The following ATP8A1 variants were observed in gnomAD, a reference collection of about 807,000 sequenced individuals.
ATP8A1 encodes the protein phospholipid-transporting ATPase IA.
In ATP8A1, 90 loss-of-function variants were observed where a neutral mutation model predicts 177.7. That is an observed-to-expected ratio of 0.51 (90% CI 0.43 to 0.60). The LOEUF (loss-of-function observed/expected upper bound fraction) is 0.60, where lower values mean the gene tolerates loss of function less well. Among genes scored for constraint, ATP8A1 ranks in the 20% least tolerant of loss-of-function variants. ATP8A1 has a pLI of 0.00. For missense variants in ATP8A1, 1,072 were observed against 1,392.8 expected (o/e 0.77, Z 3.67); for synonymous variants, 493 against 485.9 (o/e 1.01, Z -0.19).
At chr4:42,582,042 C>A (rs188395060) in intron 9 of ATP8A1, among the ~76,000 whole-genome samples, 1 of 152,086 alleles carries the variant, frequency 6.6e-6, no homozygotes, top group Non-Finnish European at 1.5e-5. Context: ...AATGACCCTT[C>A]GGGAGCTAAT....
chr4:42,465,364 CA>C (rs1474105480), intron 25 of ATP8A1, among the ~76,000 whole-genome samples: 4 of 152,200 alleles, frequency 2.6e-5, no homozygotes, highest in Non-Finnish European at 4.4e-5. Flanking sequence ...TACTTCCTAA[CA>C]AACATCAGAA....
intron 25 of ATP8A1, among the ~76,000 whole-genome samples, chr4:42,470,270 CAT>C (rs1230135054): frequency 6.6e-5 from 10 of 152,192 alleles, no homozygotes; most frequent in African/African-American, 1.9e-4. Context: ...AGTTTCTGCA[CAT>C]GTTATTCATT....
intron 14 of ATP8A1, among the ~76,000 whole-genome samples, 153 bp downstream of exon 14, chr4:42,574,466 T>C (rs987342683): frequency 6.6e-6 from 1 of 152,008 alleles, no homozygotes; most frequent in Admixed American, 6.6e-5. Flanking sequence ...AAACGCGAAA[T>C]ATACATGTGT....
chr4:42,623,728 G>C (rs1188470524), intron 4 of ATP8A1, among the ~76,000 whole-genome samples: 1 of 152,088 alleles, frequency 6.6e-6, no homozygotes, highest in African/African-American at 2.4e-5. Flanking sequence ...AGAGGATCAG[G>C]AAAAATAACT....
intron 7 of ATP8A1, chr4:42,588,618 A>G (rs1359645277): frequency 4.2e-6 from 1 of 235,750 alleles, no homozygotes. Flanking sequence ...TTATATTTAA[A>G]TTGTTCATCC....
chr4:42,624,158 A>G (rs1361853135), intron 4 of ATP8A1, among the ~76,000 whole-genome samples: 2 of 152,118 alleles, frequency 1.3e-5, no homozygotes, highest in Non-Finnish European at 2.9e-5. Context: ...CAAGGCATTT[A>G]ATAAAATGAA....
rs555485318 is a variant in ATP8A1, at chr4:42,593,059, C to T, written c.451-2175G>A. Among the ~76,000 whole-genome samples, 23 of 152,152 alleles carry T rather than the reference C, an allele frequency of 1.5e-4. 1 individual carries two copies. In the South Asian group the frequency reaches 4.4e-3, roughly 29 times the overall value. On this transcript the variant is annotated intron_variant, in intron 6 of 36. Coordinates refer to ENST00000381668, the MANE Select transcript of ATP8A1 (RefSeq NM_006095.2). ...GAATTGGGGAATATTGGAATTTGAT[C>T]ATTTAATCCATCTTAATATAAAAGA...
chr4:42,602,243 G>A (rs1177044612), intron 5 of ATP8A1, among the ~76,000 whole-genome samples: 2 of 152,154 alleles, frequency 1.3e-5, no homozygotes, highest in Admixed American at 1.3e-4. Context: ...TAAAGCACAG[G>A]CACCTTAAAT....
At chr4:42,528,371 T>C (rs1254899503) in intron 20 of ATP8A1, among the ~76,000 whole-genome samples, 3 of 152,162 alleles carry the variant, frequency 2.0e-5, no homozygotes, top group East Asian at 3.8e-4. Context: ...CAGAGATTAG[T>C]GCCACCATCA....
At chr4:42,482,266 C>T (rs995321118) in intron 25 of ATP8A1, among the ~76,000 whole-genome samples, 2 of 151,620 alleles carry the variant, frequency 1.3e-5, no homozygotes, top group Non-Finnish European at 1.5e-5. Context: ...CGCGCCACTG[C>T]ACTCTCCACC....
At chr4:42,523,189 G>A (rs1457515611) in intron 21 of ATP8A1, among the ~76,000 whole-genome samples, 1 of 152,200 alleles carries the variant, frequency 6.6e-6, no homozygotes, top group African/African-American at 2.4e-5. Context: ...GACCCACCCT[G>A]TGTCTGGTGC....
At chr4:42,585,326 T>C (rs530660675) in intron 9 of ATP8A1, among the ~76,000 whole-genome samples, 106 of 151,878 alleles carry the variant, frequency 7.0e-4, no homozygotes, top group Admixed American at 1.2e-3. Context: ...CATCTTATTG[T>C]TTGTATGTTT....
chr4:42,535,379 T>C (rs1578122603), intron 20 of ATP8A1, among the ~76,000 whole-genome samples: 1 of 152,164 alleles, frequency 6.6e-6, no homozygotes, highest in East Asian at 1.9e-4. Context: ...GGACATTATA[T>C]AATGACAAAA....
At chr4:42,537,171 G>A (rs1184276860) in intron 20 of ATP8A1, among the ~76,000 whole-genome samples, 3 of 149,054 alleles carry the variant, frequency 2.0e-5, no homozygotes, top group Non-Finnish European at 4.5e-5. Flanking sequence ...AAACCCCCAC[G>A]TGATCATCTC....
In ATP8A1 at chr4:42,610,926, G is replaced by A. The variant is rs575226191; in HGVS notation, c.409+5107C>T. On this transcript the variant is annotated intron_variant, in intron 5 of 36. Coordinates refer to ENST00000381668, the MANE Select transcript of ATP8A1 (RefSeq NM_006095.2). ...GTACCTCCAGAGAGACAAAAAGGGA[G>A]CAACACTCTCTTTTTCAGCAGGCAA... Among the ~76,000 whole-genome samples the A allele has an allele frequency of 7.9e-5, 12 of 152,268 alleles. No individual in the cohort carries two copies. The South Asian group carries it at 2.5e-3, about 32-fold the overall frequency.
chr4:42,462,278 C>G (rs545101987), intron 27 of ATP8A1, among the ~76,000 whole-genome samples: 9 of 152,340 alleles, frequency 5.9e-5, no homozygotes, highest in African/African-American at 2.2e-4. Context: ...TTCATGGCAG[C>G]CCCTTCCATC....
At chr4:42,423,181 T>A (rs1714191351) in intron 34 of ATP8A1, among the ~76,000 whole-genome samples, 1 of 152,112 alleles carries the variant, frequency 6.6e-6, no homozygotes, top group African/African-American at 2.4e-5. Flanking sequence ...TGGGAAGACA[T>A]AAGATTTTAA....
Position 42,412,919 on chromosome 4 carries a change from C to A in ATP8A1, c.3492G>T (p.Trp1164Cys), listed in dbSNP as rs1158435348. ...YDTTKQRPDE[W>C] Reference sequence around the variant, plus strand: ...CCTGCCTTTCAGGCTCTCCCCATCACCATTCGTCGGGCCTCTGTTTCGTGG... The same window carrying A: ...CCTGCCTTTCAGGCTCTCCCCATCAACATTCGTCGGGCCTCTGTTTCGTGG... The change falls in exon 37 of 37, where the codon TGG becomes TGT. Residue 1164 changes from tryptophan to cysteine, a missense_variant. By Grantham distance (215) the Trp-to-Cys change is radical. Around this residue, in one of 5 missense-constraint regions of ATP8A1, gnomAD observed 316 missense variants for 459.1 expected, o/e 0.69. Transcript: ENST00000381668. 1 of 1,613,244 alleles carries A rather than the reference C, an allele frequency of 6.2e-7. No individual in the cohort carries two copies.
Position 42,455,570 on chromosome 4 carries a change from A to C in ATP8A1, c.2649T>G (p.Ser883=). 1 of 1,613,716 alleles carries C rather than the reference A, an allele frequency of 6.2e-7. No homozygotes were observed. The stretch of plus-strand genomic sequence containing the variant: ...ACCATCTTTCAAAGAGGATCTGTCC[A>C]GAAAAGCCATTAACAAAGGCAAACC... The part of the protein sequence containing the change: ...EIWFAFVNGF[S]GQILFERWCI... Residue 883 remains serine, a synonymous_variant, in exon 28 of 37, where the codon TCT becomes TCG. Transcript: ENST00000381668.
Sources: allele counts gnomAD v4.1 joint callset (sites outside exome capture counted in the v4.1 genomes callset), GRCh38; gene constraint gnomAD v4.1.1; regional missense constraint gnomAD v4.1.1; transcripts MANE v1.5; gene names NCBI Gene and HGNC (gene_info 2026-07-23, HGNC 2026-07-21).